The following RBM38 variants were observed in gnomAD, a reference collection of about 807,000 sequenced individuals.
The protein encoded by RBM38 is RNA-binding protein 38.
Under a neutral mutation model 23.5 loss-of-function variants are expected in RBM38, and 11 were observed. That is an observed-to-expected ratio of 0.47 (90% CI 0.29 to 0.77). RBM38 has a LOEUF of 0.77. RBM38 is among the 30% of genes least tolerant of loss of function. The pLI, the probability that RBM38 is intolerant of heterozygous loss-of-function variation, is 0.08. For missense variants in RBM38, 330 were observed against 351.9 expected (o/e 0.94, Z 0.50); for synonymous variants, 165 against 166.1 (o/e 0.99, Z 0.05).
chr20:57,405,050 C>G (rs2067367432), intron 3 of RBM38, among the ~76,000 whole-genome samples: 1 of 152,248 alleles, frequency 6.6e-6, no homozygotes, highest in Non-Finnish European at 1.5e-5. Flanking sequence ...TGCCTCCGCC[C>G]TTGTGCCGCC....
chr20:57,393,963 A>G (rs1441183338), intron 3 of RBM38, among the ~76,000 whole-genome samples: 1 of 151,980 alleles, frequency 6.6e-6, no homozygotes, highest in Non-Finnish European at 1.5e-5. Flanking sequence ...TAAAACATCT[A>G]GTAAGTCCTG....
intron 3 of RBM38, among the ~76,000 whole-genome samples, chr20:57,398,137 G>A (rs71329740): frequency 1.3e-5 from 2 of 152,208 alleles, no homozygotes; most frequent in African/African-American, 4.8e-5. Context: ...GGGGATGGAG[G>A]AGGTAGGGTA....
At chr20:57,406,949 C>T (rs190025931) in intron 3 of RBM38, among the ~76,000 whole-genome samples, 1 of 151,268 alleles carries the variant, frequency 6.6e-6, no homozygotes, top group Non-Finnish European at 1.5e-5. Context: ...AGCGGAGATC[C>T]CGCCACTGCA....
In RBM38 at chr20:57,407,889, A is replaced by T; in HGVS notation, c.*43A>T. On this transcript the variant is annotated 3_prime_UTR_variant, in exon 4 of 4. Coordinates refer to ENST00000356208, the MANE Select transcript of RBM38 (RefSeq NM_017495.6). This position sits in a 1 kb window ranked among gnomAD's most constrained non-coding sequence, Gnocchi z 4.0. ...AGGACTGTGGCATTGTCACCTTCAC[A>T]GCAGACAGAGCTGCCAGGCCATGAT... 2 of 1,510,832 alleles carry T rather than the reference A, an allele frequency of 1.3e-6. No individual in the cohort carries two copies. The highest frequency in any genetic ancestry group is 1.8e-6 in the Non-Finnish European group (2 of 1,130,810). 93.6% of individuals were successfully genotyped at this position (1,510,832 alleles called of 1,614,324 possible). A position where few individuals can be genotyped will look rare whatever the true frequency, so the allele number is the denominator to read the frequency against.
rs1186734073 is a variant in RBM38 at position 57,408,290 on chromosome 20, C to G, written c.*444C>G. On this transcript the variant is annotated 3_prime_UTR_variant, in exon 4 of 4. Coordinates refer to ENST00000356208, the MANE Select transcript of RBM38 (RefSeq NM_017495.6). Reference sequence around the variant, plus strand: ...AACCTGAAAGCAAGAAGTTAATGGACTGTTTATTGTAACTTGATCCTCCCG... The same window carrying G: ...AACCTGAAAGCAAGAAGTTAATGGAGTGTTTATTGTAACTTGATCCTCCCG... 9.0e-6 allele frequency: 2 copies of G among 221,578 alleles called. No individual in the cohort carries two copies. Among genetic ancestry groups the G allele is most frequent in the Non-Finnish European group, 1.8e-5 (2 of 109,258 alleles). 13.7% of individuals were successfully genotyped at this position (221,578 alleles called of 1,614,324 possible). A position where few individuals can be genotyped will look rare whatever the true frequency, so the allele number is the denominator to read the frequency against.
rs2067407229 is a variant in RBM38, at chr20:57,408,110, A to G, written c.*264A>G. The G allele has an allele frequency of 1.9e-6, 1 of 537,096 alleles. No homozygotes were observed. Among genetic ancestry groups the G allele is most frequent in the East Asian group, 3.2e-5 (1 of 30,888 alleles). 33.3% of individuals were successfully genotyped at this position (537,096 alleles called of 1,614,324 possible). On this transcript the variant is annotated 3_prime_UTR_variant, in exon 4 of 4. Transcript: ENST00000356208. ...AAAGACGCAATCCCAGGTTCCTTGC[A>G]CACCATGGCAGCCTCTCCTTGCACC... is the stretch of plus-strand genomic sequence containing the variant.
rs76198019 is a variant in RBM38 at position 57,392,859 on chromosome 20, C to T, written c.361+82C>T. 5 of 1,541,418 alleles carry T rather than the reference C, an allele frequency of 3.2e-6. No individual in the cohort carries two copies. The African/African-American group carries it at 5.5e-5, about 17-fold the overall frequency. On this transcript the variant is annotated intron_variant, in intron 2 of 3. Coordinates refer to ENST00000356208, the MANE Select transcript of RBM38 (RefSeq NM_017495.6). ...ATCTGTCGGGTGGAAAGAGGCCCCC[C>T]CTCCTCGCCCCAGCAGTGGCAGTCG...
At chr20:57,403,724 C>T (rs746460328) in intron 3 of RBM38, among the ~76,000 whole-genome samples, 1 of 152,150 alleles carries the variant, frequency 6.6e-6, no homozygotes, top group African/African-American at 2.4e-5. Flanking sequence ...TGGTTTCAAG[C>T]GATTCTCCTG....
intron 3 of RBM38, among the ~76,000 whole-genome samples, chr20:57,399,126 G>C (rs937120809): frequency 6.6e-6 from 1 of 152,210 alleles, no homozygotes; most frequent in Non-Finnish European, 1.5e-5. Context: ...GAAGGCGACA[G>C]GAGCTGGGGA....
intron 3 of RBM38, among the ~76,000 whole-genome samples, chr20:57,405,562 CAGT>C (rs113819115): frequency 0.021 from 3,194 of 152,308 alleles, 124 homozygotes; most frequent in African/African-American, 0.073. Context: ...GGAAGGTAAA[CAGT>C]AGTAGAGAGG....
chr20:57,392,412 C>A, intron 1 of RBM38: 1 of 1,524,158 alleles, frequency 6.6e-7, no homozygotes, highest in Non-Finnish European at 8.8e-7. Context: ...TATTTTTGTC[C>A]TTGAAGGCCA....
chr20:57,404,820 C>T (rs2067364965), intron 3 of RBM38, among the ~76,000 whole-genome samples: 1 of 152,232 alleles, frequency 6.6e-6, no homozygotes, highest in Admixed American at 6.5e-5. Context: ...AGGTTAAGGG[C>T]TCCAGGCAGA....
rs1031373607 is a variant in RBM38, at chr20:57,408,201, G to A, written c.*355G>A. The A allele has an allele frequency of 1.3e-5, 5 of 389,540 alleles. No individual in the cohort carries two copies. Among genetic ancestry groups the A allele is most frequent in the Admixed American group, 3.8e-5 (1 of 26,412 alleles). 24.1% of individuals were successfully genotyped at this position (389,540 alleles called of 1,614,324 possible). A position where few individuals can be genotyped will look rare whatever the true frequency, so the allele number is the denominator to read the frequency against. On this transcript the variant is annotated 3_prime_UTR_variant, in exon 4 of 4. Coordinates refer to ENST00000356208, the MANE Select transcript of RBM38 (RefSeq NM_017495.6). ...GTCCCCACTGCTGCATCGTGGCGGG[G>A]TGTCACAGACCCTCTGCAGCCCCTG...
chr20:57,398,406 C>A (rs549391662), intron 3 of RBM38, among the ~76,000 whole-genome samples: 2 of 152,130 alleles, frequency 1.3e-5, no homozygotes, highest in African/African-American at 4.8e-5. Context: ...GTCGCCGTGG[C>A]GGGCACAGGG....
chr20:57,394,270 T>C (rs1359721683), intron 3 of RBM38, among the ~76,000 whole-genome samples: 2 of 151,326 alleles, frequency 1.3e-5, no homozygotes, highest in African/African-American at 4.8e-5. Context: ...GTAACCTGCC[T>C]GACTGGGGCA....
In RBM38 at chr20:57,393,300, A is replaced by G; in HGVS notation, c.383A>G (p.Gln128Arg). 1 of 1,613,652 alleles carries G rather than the reference A, an allele frequency of 6.2e-7. No homozygotes were observed. Among genetic ancestry groups the G allele is most frequent in the South Asian group, 1.1e-5 (1 of 91,076 alleles). ...LQTGFAIGVQ[Q>R]LHPTLIQRTY... is the part of the protein sequence containing the mutation. ...TTAGGCTTTGCCATTGGGGTGCAGC[A>G]GCTGCACCCCACCTTGATCCAGCGG... Residue 128 changes from glutamine (Q) to arginine (R), a missense_variant, in exon 3 of 4, where the codon CAG (glutamine) becomes CGG (arginine). Around this residue, in one of 3 missense-constraint regions of RBM38, gnomAD observed 227 missense variants for 216.4 expected, o/e 1.05. Transcript: ENST00000356208.
intron 3 of RBM38, among the ~76,000 whole-genome samples, chr20:57,393,674 C>T (rs1407457249): frequency 1.3e-5 from 2 of 152,168 alleles, no homozygotes; most frequent in African/African-American, 4.8e-5. Flanking sequence ...GTGCAGGTAA[C>T]GCCCTCTTGA....
intron 3 of RBM38, among the ~76,000 whole-genome samples, chr20:57,396,526 C>G (rs547408548): frequency 6.6e-6 from 1 of 152,342 alleles, no homozygotes; most frequent in Admixed American, 6.5e-5. Flanking sequence ...CCCAGAGCCT[C>G]TCCTTGGGTT....
chr20:57,394,497 G>A (rs1468440883), intron 3 of RBM38, among the ~76,000 whole-genome samples: 1 of 152,220 alleles, frequency 6.6e-6, no homozygotes, highest in Non-Finnish European at 1.5e-5. Flanking sequence ...CGCTGGCTGA[G>A]GGGTGCTGGA....
Sources: allele counts gnomAD v4.1 joint callset (sites outside exome capture counted in the v4.1 genomes callset), GRCh38; gene constraint gnomAD v4.1.1; regional missense constraint gnomAD v4.1.1; non-coding constraint Gnocchi (gnomAD v3.1); transcripts MANE v1.5; gene names NCBI Gene and HGNC (gene_info 2026-07-23, HGNC 2026-07-21).